Variants in NALF2 observed in about 807,000 individuals in gnomAD.
The protein encoded by NALF2 is bB57D9.1 (TED protein).
Under a neutral mutation model 24.8 loss-of-function variants are expected in NALF2, and 1 was observed. The ratio of observed to expected loss-of-function variants is 0.04; its 90% CI spans 0.01 to 0.19. NALF2 has a LOEUF of 0.19. NALF2 is among the 10% of genes least tolerant of loss of function. The pLI is 1.00. For missense variants in NALF2, 458 were observed against 409.6 expected, an observed-to-expected ratio of 1.12 and a Z score of -1.02; for synonymous variants, 254 against 189.8, an observed-to-expected ratio of 1.34 and a Z score of -2.78.
intron 1 of NALF2, among the ~76,000 whole-genome samples, chrX:69,521,968 C>G (rs1475631303): frequency 8.9e-6 from 1 of 111,958 alleles, no homozygotes; most frequent in African/African-American, 3.3e-5. Context: ...TCAGAGAAGT[C>G]TAAAAATACC....
At position 69,506,088 on chromosome X, in the gene NALF2, A is replaced by G. The variant is rs1444754530; in HGVS notation, c.806A>G (p.His269Arg). The G allele has an allele frequency of 8.3e-7, 1 of 1,209,839 alleles. No homozygotes were observed. The highest frequency in any genetic ancestry group is 1.1e-6 in the Non-Finnish European group (1 of 894,363). ...TATGACGAGTTCGACCTCGTGCTGC[A>G]TAAATACTTACAGGCGGAAGAGTAC... ...EKYDEFDLVL[H>R]KYLQAEEYSI... is the part of the protein sequence containing the mutation. The change falls in exon 1 of 3, where the codon CAT becomes CGT. Residue 269 changes from histidine to arginine, a missense_variant. By Grantham distance (29) the His-to-Arg change is conservative (BLOSUM62 0). Transcript: ENST00000252338.
At chrX:69,512,575 C>CT (rs1318958842) in intron 1 of NALF2, among the ~76,000 whole-genome samples, 5 of 111,703 alleles carry the variant, frequency 4.5e-5, no homozygotes, top group Non-Finnish European at 9.4e-5. Context: ...AATTGCGAGT[C>CT]TTTGAGTGCC....
chrX:69,506,243 C>A, intron 1 of NALF2, 100 bp downstream of exon 1: 1 of 922,813 alleles, frequency 1.1e-6, no homozygotes, highest in Non-Finnish European at 1.5e-6. Context: ...CTACCCACCC[C>A]ACCACTCCCA....
chrX:69,512,946 G>A (rs934454809), intron 1 of NALF2, among the ~76,000 whole-genome samples: 1 of 111,429 alleles, frequency 9.0e-6, no homozygotes, highest in African/African-American at 3.3e-5. Context: ...CCAAAACGAG[G>A]ACCCACCAAC....
At position 69,505,327 on chromosome X, in the gene NALF2, GCTGA is replaced by G. The variant is rs1375495156; in HGVS notation, c.48_51del (p.Thr17SerfsTer57). The G allele has an allele frequency of 7.8e-6, 9 of 1,154,487 alleles. No individual in the cohort carries two copies. Among genetic ancestry groups the G allele is most frequent in the Admixed American group, 2.7e-5 (1 of 37,617 alleles). On this transcript the variant is annotated frameshift_variant, in exon 1 of 3. Coordinates refer to ENST00000252338, the MANE Select transcript of NALF2 (RefSeq NM_015686.3). LOFTEE classifies it high-confidence loss of function. ...TGTGGCCCGGGAAAGACGCCGCCGC[GCTGA>G]CTATCTGCTGCTGCTGCTGCTGCTG...
At position 69,506,147 on chromosome X, in the gene NALF2, A is replaced by T. The variant is rs747531030; in HGVS notation, c.861+4A>T. The stretch of plus-strand genomic sequence containing the variant: ...GTCCTGCACGAAAGGCTGTAAGGTA[A>T]GGACTGGCTTCCGCAGCCACAGCAG... On this transcript the variant is annotated splice_donor_region_variant and intron_variant, in intron 1 of 2. Coordinates refer to ENST00000252338, the MANE Select transcript of NALF2 (RefSeq NM_015686.3). 2 of 1,199,009 alleles carry T rather than the reference A, an allele frequency of 1.7e-6. No individual in the cohort carries two copies. The highest frequency in any genetic ancestry group is 6.0e-5 in the East Asian group (2 of 33,507).
chrX:69,508,158 G>A (rs147990338), intron 1 of NALF2, among the ~76,000 whole-genome samples: 1 of 111,834 alleles, frequency 8.9e-6, no homozygotes, highest in African/African-American at 3.3e-5. Flanking sequence ...TGGGTCTTTT[G>A]TGGGAAGAAG....
chrX:69,516,121 C>A (rs1930657754), intron 1 of NALF2, among the ~76,000 whole-genome samples: 1 of 112,177 alleles, frequency 8.9e-6, no homozygotes, highest in African/African-American at 3.2e-5. Context: ...TTATTATCTC[C>A]ATTTTACAGA....
At chrX:69,517,033 G>C (rs1486079387) in intron 1 of NALF2, among the ~76,000 whole-genome samples, 1 of 111,443 alleles carries the variant, frequency 9.0e-6, no homozygotes, top group African/African-American at 3.3e-5. Context: ...AATGAGATTT[G>C]AGTCCACTGG....
intron 1 of NALF2, among the ~76,000 whole-genome samples, chrX:69,509,449 A>G (rs1399082911): frequency 9.0e-6 from 1 of 110,927 alleles, no homozygotes; most frequent in Non-Finnish European, 1.9e-5. Flanking sequence ...AGATGGGGGC[A>G]AAATCCTGGC....
rs750215772 is a variant in NALF2, at chrX:69,513,237, C to G, written c.861+7094C>G. Among the ~76,000 whole-genome samples, 3 of 112,344 alleles carry G rather than the reference C, an allele frequency of 2.7e-5. No individual in the cohort carries two copies. In the South Asian group the frequency reaches 1.1e-3, roughly 42 times the overall value. On this transcript the variant is annotated intron_variant, in intron 1 of 2. Transcript: ENST00000252338. ...AGACCTGAGACCCTGGCCTCCACAT[C>G]CACTACACCTCAACATGTGCAGTTT...
At chrX:69,514,061 T>C (rs1013608639) in intron 1 of NALF2, among the ~76,000 whole-genome samples, 10 of 110,386 alleles carry the variant, frequency 9.1e-5, no homozygotes. Context: ...GGCATGGCGG[T>C]GCACACCTGT....
chrX:69,513,507 T>A (rs1310168212), intron 1 of NALF2, among the ~76,000 whole-genome samples: 2 of 112,350 alleles, frequency 1.8e-5, no homozygotes, highest in Non-Finnish European at 3.8e-5. Flanking sequence ...GTTCCCTGTC[T>A]TATTTGGTTT....
intron 1 of NALF2, among the ~76,000 whole-genome samples, chrX:69,525,516 T>G (rs1161972316): frequency 1.8e-5 from 2 of 109,769 alleles, no homozygotes; most frequent in Admixed American, 1.9e-4. Flanking sequence ...CTTCTTGCGC[T>G]CTCTTATTCC....
chrX:69,525,472 C>T (rs905322096), intron 1 of NALF2, among the ~76,000 whole-genome samples: 2 of 110,683 alleles, frequency 1.8e-5, no homozygotes, highest in African/African-American at 6.6e-5. Context: ...ATTTCATGTT[C>T]TTTCCTGCCT....
At chrX:69,529,460 G>A (rs1930860865) in intron 2 of NALF2, 111 bp from the exon 3 acceptor site, 10 of 1,091,040 alleles carry the variant, frequency 9.2e-6, no homozygotes, top group Non-Finnish European at 1.2e-5. Flanking sequence ...TGGGGAGGGA[G>A]CCTTAGATGA....
intron 1 of NALF2, among the ~76,000 whole-genome samples, chrX:69,508,389 G>A (rs988870230): frequency 9.9e-5 from 11 of 110,633 alleles, no homozygotes; most frequent in Non-Finnish European, 1.5e-4. Flanking sequence ...CAGCCCACGT[G>A]TTTTGGTGCC....
intron 1 of NALF2, among the ~76,000 whole-genome samples, chrX:69,525,979 C>T (rs1228756128): frequency 1.8e-5 from 2 of 110,997 alleles, no homozygotes; most frequent in African/African-American, 6.6e-5. Context: ...ACTCTTTTCC[C>T]GTTCCTTTTC....
Position 69,505,131 on chromosome X carries a change from G to T in NALF2, c.-152G>T. 2.4e-6 allele frequency: 1 copy of T among 423,565 alleles called. No individual in the cohort carries two copies. Among genetic ancestry groups the T allele is most frequent in the Admixed American group, 6.3e-5 (1 of 15,937 alleles). The allele number at this position is 423,565 out of a possible 1,213,427, so 34.9% of individuals were successfully genotyped here. On this transcript the variant is annotated 5_prime_UTR_variant, in exon 1 of 3. Coordinates refer to ENST00000252338, the MANE Select transcript of NALF2 (RefSeq NM_015686.3). The stretch of plus-strand genomic sequence containing the variant: ...GCCCCGCGACTCCGGCCTGAGCGGG[G>T]CATCGCGCCGGCCGGCCTGCCTCAC...
Sources: allele counts gnomAD v4.1 joint callset (sites outside exome capture counted in the v4.1 genomes callset), GRCh38; gene constraint gnomAD v4.1.1; transcripts MANE v1.5; gene names NCBI Gene and HGNC (gene_info 2026-07-23, HGNC 2026-07-21).